SLC68A1: variants seen among roughly 807,000 people sequenced by gnomAD.
SLC68A1 encodes the protein major facilitator superfamily domain containing 13A.
the SLC68A1 span, chr10:102,468,704 A>C: frequency 4.3e-6 from 1 of 234,176 alleles, no homozygotes. Context: ...CAGCCCTGGC[A>C]CGCGACCTGG....
the SLC68A1 span, among the ~76,000 whole-genome samples, chr10:102,464,037 T>G: frequency 6.6e-6 from 1 of 152,204 alleles, no homozygotes; most frequent in Admixed American, 6.5e-5. Context: ...TGATTTTTAT[T>G]TTTGATTGAT....
chr10:102,475,529 TGA>T, the SLC68A1 span, among the ~76,000 whole-genome samples: 1 of 152,038 alleles, frequency 6.6e-6, no homozygotes, highest in Non-Finnish European at 1.5e-5. Flanking sequence ...GTTTTGGGCC[TGA>T]GTTATTGGGT....
chr10:102,467,194 G>A, the SLC68A1 span, among the ~76,000 whole-genome samples: 2 of 152,096 alleles, frequency 1.3e-5, no homozygotes, highest in South Asian at 2.1e-4. Context: ...CCGCCACCAC[G>A]CCGGCTAATT....
the SLC68A1 span, chr10:102,473,952 A>C: frequency 6.2e-7 from 1 of 1,612,918 alleles, no homozygotes. Flanking sequence ...TGCCTTGGTG[A>C]CCAAGCCAGG....
the SLC68A1 span, among the ~76,000 whole-genome samples, chr10:102,462,747 C>A: frequency 6.6e-6 from 1 of 152,228 alleles, no homozygotes; most frequent in Non-Finnish European, 1.5e-5. Context: ...CAAAACCCTT[C>A]CTGATGTGGC....
At chr10:102,475,778 C>T in the SLC68A1 span, 1 of 1,613,926 alleles carries the variant, frequency 6.2e-7, no homozygotes, top group African/African-American at 1.3e-5. Flanking sequence ...CCATCCCTGG[C>T]CAGAGCCCCC....
the SLC68A1 span, chr10:102,472,942 T>G: frequency 2.5e-6 from 4 of 1,613,436 alleles, no homozygotes; most frequent in East Asian, 8.9e-5. Context: ...ACGGGCTCCA[T>G]CCTGTTGGGT....
the SLC68A1 span, chr10:102,472,888 C>T: frequency 6.2e-7 from 1 of 1,614,214 alleles, no homozygotes; most frequent in Non-Finnish European, 8.5e-7. Flanking sequence ...AACTTCTTCC[C>T]TCTCTTCCTG....
At chr10:102,470,885 G>C in the SLC68A1 span, 13 of 1,613,010 alleles carry the variant, frequency 8.1e-6, no homozygotes, top group Non-Finnish European at 8.5e-6. Context: ...CTCAGCCCAC[G>C]ACCGCACCCA....
the SLC68A1 span, chr10:102,471,175 CGGTG>C: frequency 2.6e-6 from 1 of 387,502 alleles, no homozygotes; most frequent in Non-Finnish European, 4.0e-6. Context: ...AGTCTGATTT[CGGTG>C]CTGGGTCCCC....
chr10:102,461,460 T>C, the SLC68A1 span: 1 of 152,138 alleles, frequency 6.6e-6, no homozygotes, highest in Admixed American at 6.6e-5. Context: ...GGTGAGACGC[T>C]GGCCAGCGGC....
the SLC68A1 span, among the ~76,000 whole-genome samples, chr10:102,475,536 T>C: frequency 6.6e-6 from 1 of 152,018 alleles, no homozygotes; most frequent in Non-Finnish European, 1.5e-5. Context: ...GCCTGAGTTA[T>C]TGGGTGGATG....
At chr10:102,468,972 C>T in the SLC68A1 span, 1 of 1,501,282 alleles carries the variant, frequency 6.7e-7, no homozygotes, top group Non-Finnish European at 9.0e-7. Flanking sequence ...GATGGGAAGA[C>T]CGCCTGTGGC....
chr10:102,470,905 C>T, the SLC68A1 span: 1 of 1,613,386 alleles, frequency 6.2e-7, no homozygotes, highest in Non-Finnish European at 8.5e-7. Context: ...ACCTCAACTT[C>T]TACTGCTCCC....
chr10:102,461,798 C>T, the SLC68A1 span: 2 of 152,296 alleles, frequency 1.3e-5, no homozygotes, highest in Non-Finnish European at 2.9e-5. Flanking sequence ...GCATTTAACC[C>T]TGGTGGCACT....
At chr10:102,468,171 C>T in the SLC68A1 span, 1 of 152,254 alleles carries the variant, frequency 6.6e-6, no homozygotes, top group African/African-American at 2.4e-5. Flanking sequence ...CCGTTTCTGG[C>T]ACTTCCCTTC....
chr10:102,465,297 C>A, the SLC68A1 span, among the ~76,000 whole-genome samples: 3 of 150,574 alleles, frequency 2.0e-5, no homozygotes, highest in East Asian at 1.9e-4. Flanking sequence ...TGGTGGCAGG[C>A]GCCTGTAATC....
the SLC68A1 span, chr10:102,468,853 A>G: frequency 3.5e-5 from 21 of 594,520 alleles, no homozygotes; most frequent in African/African-American, 3.9e-4. Context: ...GTAAGTACAA[A>G]CTCTCTCCTG....
the SLC68A1 span, among the ~76,000 whole-genome samples, chr10:102,474,792 G>A: frequency 6.6e-6 from 1 of 152,006 alleles, no homozygotes; most frequent in African/African-American, 2.4e-5. Flanking sequence ...GACCACAGGC[G>A]TATGCCACCA....
Sources: allele counts gnomAD v4.1 joint callset (sites outside exome capture counted in the v4.1 genomes callset), GRCh38; gene constraint gnomAD v4.1.1; transcripts MANE v1.5; gene names NCBI Gene and HGNC (gene_info 2026-07-23, HGNC 2026-07-21).